The following ADAM7 variants were observed in gnomAD, a reference collection of about 807,000 sequenced individuals.
ADAM7 encodes disintegrin and metalloproteinase domain-containing protein 7.
ADAM7 carries 97 observed loss-of-function variants against 102.9 expected under a neutral mutation model. That is an observed-to-expected ratio of 0.94 (90% confidence interval 0.80 to 1.12). ADAM7 has a LOEUF of 1.12. ADAM7 is among the 50% of genes most tolerant of loss of function. The pLI is 0.00. For missense variants in ADAM7, 991 were observed against 908.7 expected (o/e 1.09, Z -1.16); for synonymous variants, 334 against 304.4 (o/e 1.10, Z -1.01).
At chr8:24,451,287 T>G (rs1481764271) in intron 3 of ADAM7, among the ~76,000 whole-genome samples, 1 of 152,164 alleles carries the variant, frequency 6.6e-6, no homozygotes, top group Non-Finnish European at 1.5e-5. Context: ...TCCTCGACTC[T>G]TTTTGGTTGG....
intron 8 of ADAM7, among the ~76,000 whole-genome samples, chr8:24,479,435 A>C (rs1449008689): frequency 6.6e-6 from 1 of 152,076 alleles, no homozygotes; most frequent in Non-Finnish European, 1.5e-5. Context: ...TTCTGGGGGA[A>C]AAATTTACTA....
chr8:24,468,898 G>A (rs1387669656), intron 7 of ADAM7, 78 bp downstream of exon 7: 2 of 1,345,222 alleles, frequency 1.5e-6, no homozygotes, highest in African/African-American at 1.5e-5. Context: ...TAGAGAGAAA[G>A]GTATTCTAAT....
intron 4 of ADAM7, among the ~76,000 whole-genome samples, chr8:24,465,291 G>C (rs7465397): frequency 0.021 from 3,135 of 152,212 alleles, 122 homozygotes; most frequent in African/African-American, 0.072. Flanking sequence ...GACTACCATG[G>C]GCAGAGCATC....
At chr8:24,472,960 C>T (rs1289846787) in intron 7 of ADAM7, among the ~76,000 whole-genome samples, 1 of 151,806 alleles carries the variant, frequency 6.6e-6, no homozygotes, top group East Asian at 1.9e-4. Flanking sequence ...GAACTATGTG[C>T]CAATAAATTT....
At chr8:24,448,113 C>A (rs1170742663) in intron 3 of ADAM7, among the ~76,000 whole-genome samples, 8 of 152,070 alleles carry the variant, frequency 5.3e-5, no homozygotes, top group African/African-American at 1.4e-4. Context: ...ATGAAAGAAG[C>A]AAAGATTTAT....
chr8:24,448,790 C>T (rs1310732652), intron 3 of ADAM7, among the ~76,000 whole-genome samples: 1 of 151,938 alleles, frequency 6.6e-6, no homozygotes, highest in Non-Finnish European at 1.5e-5. Flanking sequence ...GGTATATCTC[C>T]TAATGCTATC....
At chr8:24,445,888 G>A (rs1367040667) in intron 2 of ADAM7, among the ~76,000 whole-genome samples, 1 of 152,112 alleles carries the variant, frequency 6.6e-6, no homozygotes, top group African/African-American at 2.4e-5. Flanking sequence ...CAGAGCCTTG[G>A]CATGTGCTGT....
intron 16 of ADAM7, among the ~76,000 whole-genome samples, chr8:24,497,645 G>T (rs560060426): frequency 1.3e-5 from 2 of 152,110 alleles, no homozygotes; most frequent in East Asian, 3.9e-4. Flanking sequence ...ACAGAAGAGA[G>T]GTGAAAATAT....
intron 7 of ADAM7, among the ~76,000 whole-genome samples, chr8:24,470,473 TA>T (rs375322203): frequency 3.4e-3 from 471 of 138,676 alleles, no homozygotes; most frequent in African/African-American, 8.9e-3. Flanking sequence ...GATTTGAAAA[TA>T]AAAAAAAAAA....
chr8:24,474,000 T>A (rs1819690449), intron 7 of ADAM7, among the ~76,000 whole-genome samples: 1 of 152,126 alleles, frequency 6.6e-6, no homozygotes, highest in Admixed American at 6.6e-5. Context: ...AAACTCCTAT[T>A]CAGTATAAAC....
At chr8:24,453,860 C>A (rs1818897029) in intron 3 of ADAM7, among the ~76,000 whole-genome samples, 1 of 152,170 alleles carries the variant, frequency 6.6e-6, no homozygotes, top group Non-Finnish European at 1.5e-5. Flanking sequence ...TGTTAGTTTT[C>A]CTTCTAACAG....
chr8:24,476,570 T>C lies in ADAM7; in HGVS notation c.705+66T>C, dbSNP rs895036561. The C allele has an allele frequency of 6.8e-5, 90 of 1,316,040 alleles. 1 individual carries two copies. In the Middle Eastern group the frequency reaches 1.1e-3, roughly 17 times the overall value. The allele number at this position is 1,316,040 out of a possible 1,614,324, so 81.5% of individuals were successfully genotyped here. ...AATGCAAAGAACCTTTCAGCGCAGT[T>C]CTCTGCTGGACTATTGTAGTTACCT... On this transcript the variant is annotated intron_variant, in intron 8 of 21. Transcript: ENST00000175238.
chr8:24,500,178 G>A lies in ADAM7; in HGVS notation c.1924G>A (p.Val642Met), dbSNP rs1246136640. The A allele has an allele frequency of 1.1e-5, 17 of 1,609,774 alleles. No individual in the cohort carries two copies. The highest frequency in any genetic ancestry group is 1.4e-5 in the Non-Finnish European group (17 of 1,177,166). ...AATATATCATTGACTGCTCTTCCAGGTGGATGGCCACGGACTCCAGTGCCA... is the reference window on the plus strand; with the variant it reads ...AATATATCATTGACTGCTCTTCCAGATGGATGGCCACGGACTCCAGTGCCA... ...NCPSQCNENPVDGHGLQCHCE... is the reference protein window; with the variant it reads ...NCPSQCNENPMDGHGLQCHCE... The change falls in exon 18 of 22, where the codon GTG (valine) becomes ATG (methionine). Residue 642 changes from valine (V) to methionine (M), a missense_variant and splice_region_variant. Coordinates refer to ENST00000175238, the MANE Select transcript of ADAM7 (RefSeq NM_003817.4).
At position 24,492,087 on chromosome 8, in the gene ADAM7, T is replaced by G; in HGVS notation, c.1541T>G (p.Leu514Arg). The G allele has an allele frequency of 6.2e-7, 1 of 1,611,962 alleles. No homozygotes were observed. The highest frequency in any genetic ancestry group is 8.5e-7 in the Non-Finnish European group (1 of 1,179,148). ...ACTCGTGAGGATCAGTGCTCTGAAC[T>G]ATTTGATGATGGTGAGAGATAATCA... is the stretch of plus-strand genomic sequence containing the variant. ...CPTREDQCSE[L>R]FDDEAIESHD... is the part of the protein sequence containing the mutation. The change falls in exon 14 of 22, where the codon CTA (leucine) becomes CGA (arginine). Residue 514 changes from leucine to arginine, a missense_variant. Transcript: ENST00000175238.
chr8:24,463,151 C>A (rs554990584), intron 3 of ADAM7, among the ~76,000 whole-genome samples: 1 of 152,078 alleles, frequency 6.6e-6, no homozygotes, highest in East Asian at 1.9e-4. Context: ...TGAAATACAC[C>A]TTATGAAGGG....
At chr8:24,489,394 G>A in intron 12 of ADAM7, 61 bp downstream of exon 12, 1 of 1,473,848 alleles carries the variant, frequency 6.8e-7, no homozygotes, top group Non-Finnish European at 9.1e-7. Context: ...AACCTAGGCA[G>A]GGATGTGGCC....
In ADAM7 at chr8:24,492,078, G is replaced by T; in HGVS notation, c.1532G>T (p.Cys511Phe). Residue 511 changes from cysteine (C) to phenylalanine (F), a missense_variant, in exon 14 of 22, where the codon TGC becomes TTC. Physicochemically the swap from Cys to Phe is radical, Grantham distance 205 (BLOSUM62 -2). Transcript: ENST00000175238. ...MGKCPTREDQ[C>F]SELFDDEAIE... ...AAATGTCCAACTCGTGAGGATCAGT[G>T]CTCTGAACTATTTGATGATGGTGAG... 1 of 1,612,918 alleles carries T rather than the reference G, an allele frequency of 6.2e-7. No individual in the cohort carries two copies. Among genetic ancestry groups the T allele is most frequent in the Non-Finnish European group, 8.5e-7 (1 of 1,179,486 alleles).
chr8:24,491,073 G>C (rs1300006797), intron 13 of ADAM7, among the ~76,000 whole-genome samples, 185 bp downstream of exon 13: 1 of 152,156 alleles, frequency 6.6e-6, no homozygotes, highest in African/African-American at 2.4e-5. Flanking sequence ...CTATGGCCTG[G>C]GGTAGTGGAG....
chr8:24,457,647 A>T (rs1424773186), intron 3 of ADAM7, among the ~76,000 whole-genome samples: 1 of 152,120 alleles, frequency 6.6e-6, no homozygotes, highest in Non-Finnish European at 1.5e-5. Flanking sequence ...TTCATTTCTA[A>T]AAATTGTGTC....
Sources: allele counts gnomAD v4.1 joint callset (sites outside exome capture counted in the v4.1 genomes callset), GRCh38; gene constraint gnomAD v4.1.1; transcripts MANE v1.5; gene names NCBI Gene and HGNC (gene_info 2026-07-23, HGNC 2026-07-21).